SLC4A5: variants seen among roughly 807,000 people sequenced by gnomAD.
SLC4A5 encodes the protein electrogenic sodium bicarbonate cotransporter 4.
A neutral mutation model predicts 120.4 loss-of-function variants in SLC4A5; 96 were observed. The observed-to-expected ratio is 0.80, with a 90% CI of 0.68 to 0.94. The LOEUF is 0.94. Ranked by LOEUF, SLC4A5 falls within the 40% of genes least tolerant of loss-of-function variation. The pLI, the probability that SLC4A5 is intolerant of heterozygous loss-of-function variation, is 0.00. For synonymous variants in SLC4A5, 550 were observed against 571.1 expected (o/e 0.96, Z 0.53); for missense variants, 1,259 against 1,459.5 (o/e 0.86, Z 2.24).
intron 4 of SLC4A5, among the ~76,000 whole-genome samples, chr2:74,331,208 G>A (rs536922855): frequency 9.5e-5 from 13 of 137,144 alleles, no homozygotes; most frequent in East Asian, 6.9e-4. Flanking sequence ...GTTTAGGTGT[G>A]GGTGGTGAGG....
intron 8 of SLC4A5, among the ~76,000 whole-genome samples, chr2:74,281,017 G>A (rs1020807872): frequency 6.6e-6 from 1 of 152,140 alleles, no homozygotes; most frequent in South Asian, 2.1e-4. Flanking sequence ...GTGATTTCAG[G>A]GTTGAAACAG....
intron 5 of SLC4A5, among the ~76,000 whole-genome samples, chr2:74,323,866 T>C (rs1673152611): frequency 6.6e-6 from 1 of 152,198 alleles, no homozygotes; most frequent in Admixed American, 6.5e-5. Context: ...ATATCTAACT[T>C]CAATAAATAG....
chr2:74,327,430 C>G (rs1673242892), intron 5 of SLC4A5, among the ~76,000 whole-genome samples: 1 of 152,204 alleles, frequency 6.6e-6, no homozygotes. Flanking sequence ...CTTTAGAAAG[C>G]TAAGCTAGAA....
chr2:74,250,049 C>T (rs528969613), intron 17 of SLC4A5, among the ~76,000 whole-genome samples: 5 of 152,232 alleles, frequency 3.3e-5, no homozygotes, highest in African/African-American at 4.8e-5. Context: ...ATTAAATTCA[C>T]TCCAGCATCA....
At position 74,335,758 on chromosome 2, in the gene SLC4A5, A is replaced by C. The variant is rs141853190; in HGVS notation, c.-220-1581T>G. Reference sequence around the variant, plus strand: ...AAACAAAAACCCTAAAACATCTAGAAATAAACTCGCCTAGAAATGCATGTT... The same window carrying C: ...AAACAAAAACCCTAAAACATCTAGACATAAACTCGCCTAGAAATGCATGTT... On this transcript the variant is annotated intron_variant, in intron 3 of 30. Transcript: ENST00000394019. 1.9e-4 allele frequency among the ~76,000 whole-genome samples: 29 copies of C among 152,324 alleles called. 1 individual carries two copies. The East Asian group carries it at 4.8e-3, about 25-fold the overall frequency.
At chr2:74,288,398 C>T (rs1234710235) in intron 7 of SLC4A5, among the ~76,000 whole-genome samples, 3 of 152,180 alleles carry the variant, frequency 2.0e-5, no homozygotes, top group Non-Finnish European at 4.4e-5. Flanking sequence ...AACCAATAAG[C>T]TAATAAAATC....
At chr2:74,283,629 C>G (rs1281732277) in intron 8 of SLC4A5, among the ~76,000 whole-genome samples, 1 of 152,184 alleles carries the variant, frequency 6.6e-6, no homozygotes, top group African/African-American at 2.4e-5. Context: ...AGAGCCCAGG[C>G]CATGGTTGGG....
intron 6 of SLC4A5, chr2:74,306,882 G>C: frequency 1.6e-6 from 1 of 630,776 alleles, no homozygotes; most frequent in Non-Finnish European, 2.9e-6. Flanking sequence ...GCAGTGGTAG[G>C]TGGTGATCTC....
chr2:74,231,548 G>A (rs1670084956), intron 24 of SLC4A5, among the ~76,000 whole-genome samples: 1 of 152,246 alleles, frequency 6.6e-6, no homozygotes, highest in Admixed American at 6.5e-5. Context: ...TAGTGTAGTG[G>A]CTTGTAGCTG....
chr2:74,318,570 C>T (rs57331310), intron 5 of SLC4A5, among the ~76,000 whole-genome samples: 19,533 of 151,866 alleles, frequency 0.13, 2,734 homozygotes, highest in East Asian at 0.36. Flanking sequence ...CCTGTAATCC[C>T]AGATACTCAG....
intron 20 of SLC4A5, 87 bp from the exon 21 acceptor site, chr2:74,239,622 G>T: frequency 1.5e-6 from 2 of 1,361,162 alleles, no homozygotes; most frequent in Non-Finnish European, 2.1e-6. Context: ...CAGGCAGCCA[G>T]CATACCTTCC....
At chr2:74,294,089 C>A (rs1189975546) in intron 7 of SLC4A5, among the ~76,000 whole-genome samples, 2 of 152,300 alleles carry the variant, frequency 1.3e-5, no homozygotes, top group East Asian at 3.9e-4. Context: ...GCATGGCCAG[C>A]CCCCCAAAAG....
At position 74,308,589 on chromosome 2, in the gene SLC4A5, A is replaced by G. The variant is rs569219885; in HGVS notation, c.80-3909T>C. 6.6e-5 allele frequency among the ~76,000 whole-genome samples: 10 copies of G among 152,188 alleles called. No homozygotes were observed. In the South Asian group the frequency reaches 2.1e-3, roughly 32 times the overall value. On this transcript the variant is annotated intron_variant, in intron 6 of 30. Coordinates refer to ENST00000394019, the Ensembl canonical transcript of SLC4A5. ...TGGGTTGTTTCCTTATTGAGTTTTA[A>G]AAGTTCTTTTGGTATTTTCAGATGC...
intron 7 of SLC4A5, among the ~76,000 whole-genome samples, chr2:74,289,198 A>G (rs1163688896): frequency 2.6e-5 from 4 of 152,232 alleles, no homozygotes; most frequent in African/African-American, 4.8e-5. Flanking sequence ...GTTCTCTTTG[A>G]ATAGCACCAT....
intron 7 of SLC4A5, among the ~76,000 whole-genome samples, chr2:74,300,811 T>C (rs993056286): frequency 6.6e-6 from 1 of 152,236 alleles, no homozygotes; most frequent in South Asian, 2.1e-4. Flanking sequence ...GCTTTCCATG[T>C]AGCGCATGGA....
intron 8 of SLC4A5, among the ~76,000 whole-genome samples, chr2:74,280,409 C>T (rs1558892638): frequency 6.6e-6 from 1 of 152,214 alleles, no homozygotes; most frequent in African/African-American, 2.4e-5. Context: ...TCCAATTAGA[C>T]TGAGAGCCCA....
chr2:74,259,347 T>C (rs1671063841), intron 12 of SLC4A5, among the ~76,000 whole-genome samples: 1 of 152,144 alleles, frequency 6.6e-6, no homozygotes, highest in African/African-American at 2.4e-5. Flanking sequence ...CATTTAATCA[T>C]GTTCTCTGTC....
chr2:74,271,862 C>T (rs1671484917), intron 8 of SLC4A5, among the ~76,000 whole-genome samples: 1 of 151,942 alleles, frequency 6.6e-6, no homozygotes. Flanking sequence ...CTCTGGGAGG[C>T]TGAGGTGGGA....
intron 23 of SLC4A5, 42 bp downstream of exon 23, chr2:74,233,360 G>A (rs1558869123): frequency 6.2e-7 from 1 of 1,609,598 alleles, no homozygotes; most frequent in Admixed American, 1.7e-5. Flanking sequence ...TGACTTTGTG[G>A]GAAGAAAGAG....
Sources: allele counts gnomAD v4.1 joint callset (sites outside exome capture counted in the v4.1 genomes callset), GRCh38; gene constraint gnomAD v4.1.1; transcripts MANE v1.5; gene names NCBI Gene and HGNC (gene_info 2026-07-23, HGNC 2026-07-21).